The following SLC35F4 variants were observed in gnomAD, a reference collection of about 807,000 sequenced individuals.
SLC35F4 encodes the protein solute carrier family 35 member F4.
In SLC35F4, 24 loss-of-function variants were observed where a neutral mutation model predicts 44.2. That is an observed-to-expected ratio of 0.54 (90% CI 0.39 to 0.76). The LOEUF is 0.76. SLC35F4 is among the 30% of genes least tolerant of loss of function. SLC35F4 has a pLI of 0.00. For missense variants in SLC35F4, 562 were observed against 586.1 expected, an observed-to-expected ratio of 0.96 and a Z score of 0.42; for synonymous variants, 238 against 223.6, an observed-to-expected ratio of 1.06 and a Z score of -0.57.
chr14:57,800,155 G>T (rs1324430674), intron 1 of SLC35F4, among the ~76,000 whole-genome samples: 1 of 152,166 alleles, frequency 6.6e-6, no homozygotes, highest in African/African-American at 2.4e-5. Flanking sequence ...CCAGAGGAAG[G>T]ATCTGGCTGC....
At chr14:57,690,344 A>G (rs79692290) in intron 1 of SLC35F4, among the ~76,000 whole-genome samples, 22,619 of 152,220 alleles carry the variant, frequency 0.15, 1,904 homozygotes, top group East Asian at 0.29. Context: ...ATAAGCAAAA[A>G]GAGCACTACC....
At chr14:57,676,190 A>G (rs929022466) in intron 1 of SLC35F4, among the ~76,000 whole-genome samples, 3 of 152,110 alleles carry the variant, frequency 2.0e-5, no homozygotes, top group African/African-American at 7.3e-5. Context: ...TAGTGCTGCA[A>G]TGAACACATA....
rs576258284 is a variant in SLC35F4, at chr14:57,767,503, A to G, written c.103+98220T>C. 6.9e-4 allele frequency among the ~76,000 whole-genome samples: 105 copies of G among 152,286 alleles called. 1 individual carries two copies. The highest frequency in any genetic ancestry group is 2.4e-3 in the African/African-American group (100 of 41,574). ...TTTTAAAGTACTTAGAACTGAAATG[A>G]AAATACAACATATCAATATATGTAG... On this transcript the variant is annotated intron_variant, in intron 1 of 7. Transcript: ENST00000556826.
At position 57,589,351 on chromosome 14, in the gene SLC35F4, A is replaced by G. The variant is rs754663162; in HGVS notation, c.452T>C (p.Ile151Thr). Residue 151 changes from isoleucine (I) to threonine (T), a missense_variant, in exon 3 of 8, where the codon ATT becomes ACT. Coordinates refer to ENST00000556826, the MANE Select transcript of SLC35F4 (RefSeq NM_001306087.2). The part of the protein sequence containing the change: ...SWVGTTQIVK[I>T]TYKNFYCPFF... Reference sequence around the variant, plus strand: ...TGGGCAATAGAAGTTCTTATAAGTAATTTTTACAATCTGTGTAGTTCCAAC... The same window carrying G: ...TGGGCAATAGAAGTTCTTATAAGTAGTTTTTACAATCTGTGTAGTTCCAAC... 24 of 1,613,862 alleles carry G rather than the reference A, an allele frequency of 1.5e-5. No individual in the cohort carries two copies. The highest frequency in any genetic ancestry group is 1.9e-5 in the Non-Finnish European group (23 of 1,179,894).
At position 57,964,636 on chromosome 14, in the gene SLC35F4, T is replaced by C. The variant is rs554981553; in HGVS notation, n.282+17277A>G. ...ATTATTTTCCTGGGAGGAAGGAGCC[T>C]TTTTTATTCTCTGTGGGAGGAAGAG... On this transcript the variant is annotated intron_variant and non_coding_transcript_variant, in intron 1 of 1. Transcript: ENST00000556568. Among the ~76,000 whole-genome samples the C allele has an allele frequency of 6.1e-4, 93 of 152,204 alleles. 1 individual carries two copies. Among genetic ancestry groups the C allele is most frequent in the Admixed American group, 1.6e-3 (25 of 15,286 alleles).
chr14:57,893,169 G>T (rs974617199), intron 1 of SLC35F4, among the ~76,000 whole-genome samples: 1 of 152,100 alleles, frequency 6.6e-6, no homozygotes, highest in African/African-American at 2.4e-5. Flanking sequence ...ACTAAGGTTT[G>T]CTGCCTCTGC....
intron 1 of SLC35F4, among the ~76,000 whole-genome samples, chr14:57,839,150 A>C (rs1885240164): frequency 6.6e-6 from 1 of 152,168 alleles, no homozygotes; most frequent in African/African-American, 2.4e-5. Context: ...AGAGTAGGAA[A>C]GTGAATTAGC....
chr14:57,590,647 A>G (rs998297727), intron 2 of SLC35F4, among the ~76,000 whole-genome samples: 4 of 152,196 alleles, frequency 2.6e-5, no homozygotes, highest in African/African-American at 4.8e-5. Flanking sequence ...TAATGAATTC[A>G]TGTACCTTTC....
chr14:57,747,726 AAAC>A (rs1302253738), intron 1 of SLC35F4, among the ~76,000 whole-genome samples: 25 of 152,194 alleles, frequency 1.6e-4, no homozygotes, highest in Non-Finnish European at 3.5e-4. Context: ...TGCTACCTAA[AAAC>A]ATTTATAGTA....
At chr14:57,708,946 T>C (rs2075747420) in intron 1 of SLC35F4, among the ~76,000 whole-genome samples, 1 of 152,186 alleles carries the variant, frequency 6.6e-6, no homozygotes, top group Admixed American at 6.5e-5. Context: ...CACCATTATT[T>C]CTGCATATCA....
intron 1 of SLC35F4, among the ~76,000 whole-genome samples, chr14:57,815,827 T>A (rs1424491358): frequency 6.6e-6 from 1 of 152,052 alleles, no homozygotes; most frequent in Non-Finnish European, 1.5e-5. Flanking sequence ...TTCCTCCTCA[T>A]AGGCACAAAT....
chr14:57,747,776 T>C (rs1246919302), intron 1 of SLC35F4, among the ~76,000 whole-genome samples: 1 of 152,202 alleles, frequency 6.6e-6, no homozygotes, highest in African/African-American at 2.4e-5. Flanking sequence ...CTCCAACTAC[T>C]TTTTGCATAA....
At chr14:57,861,083 C>G (rs1887639345) in intron 1 of SLC35F4, among the ~76,000 whole-genome samples, 2 of 152,110 alleles carry the variant, frequency 1.3e-5, no homozygotes, top group Non-Finnish European at 2.9e-5. Context: ...TTAAACGGAC[C>G]CTTAAGGCTG....
At chr14:57,661,996 G>A (rs916576973) in intron 1 of SLC35F4, among the ~76,000 whole-genome samples, 1 of 152,154 alleles carries the variant, frequency 6.6e-6, no homozygotes, top group Non-Finnish European at 1.5e-5. Context: ...GTGGTGATCT[G>A]CAAAATGTGT....
At chr14:57,936,512 C>G (rs1889799617) in intron 1 of SLC35F4, among the ~76,000 whole-genome samples, 4 of 152,202 alleles carry the variant, frequency 2.6e-5, no homozygotes, top group African/African-American at 9.6e-5. Context: ...TTTTGAGTCT[C>G]TCTCCCCCCA....
chr14:57,864,205 C>T (rs369616674), intron 1 of SLC35F4, among the ~76,000 whole-genome samples: 423 of 152,230 alleles, frequency 2.8e-3, no homozygotes, highest in Middle Eastern at 0.01. Context: ...AGGTGAAAGT[C>T]AAGTAATTTC....
chr14:57,618,694 C>T (rs2072001933), intron 1 of SLC35F4, among the ~76,000 whole-genome samples: 2 of 152,194 alleles, frequency 1.3e-5, no homozygotes, highest in Admixed American at 6.5e-5. Context: ...GCCAGAACCA[C>T]TCACTCCCCT....
Position 57,571,927 on chromosome 14 carries a change from C to T in SLC35F4, c.900G>A (p.Ala300=), listed in dbSNP as rs370452519. The change falls in exon 5 of 8, where the codon GCG becomes GCA. Residue 300 remains alanine, a synonymous_variant. Coordinates refer to ENST00000556826, the MANE Select transcript of SLC35F4 (RefSeq NM_001306087.2). ...HADSIIGVAF[A]VGSASTSALY... ...ATGCAGATGTAGAGGCTGAGCCCAC[C>T]GCAAATGCCACTCCTATGATGGAAT... is the stretch of plus-strand genomic sequence containing the variant. 194 of 1,612,436 alleles carry T rather than the reference C, an allele frequency of 1.2e-4. 1 individual carries two copies. Among genetic ancestry groups the T allele is most frequent in the Non-Finnish European group, 1.5e-4 (177 of 1,179,230 alleles).
chr14:57,828,837 C>G (rs1884060939), intron 1 of SLC35F4, among the ~76,000 whole-genome samples: 2 of 152,158 alleles, frequency 1.3e-5, no homozygotes, highest in Non-Finnish European at 2.9e-5. Context: ...AGCAGAGCTC[C>G]ACAAGGGTAT....
Sources: gnomAD v4.1 joint callset for allele counts (sites outside exome capture counted in the v4.1 genomes callset) on GRCh38, gnomAD v4.1.1 for gene constraint, MANE v1.5 for transcripts, NCBI Gene and HGNC (gene_info 2026-07-23, HGNC 2026-07-21) for gene names.